ANKRD28: variants seen among roughly 807,000 people sequenced by gnomAD.
ANKRD28 encodes ankyrin repeat domain 28.
In ANKRD28, 44 loss-of-function variants were observed where a neutral mutation model predicts 126.5. The ratio of observed to expected loss-of-function variants is 0.35; its 90% CI spans 0.27 to 0.45. The LOEUF is 0.45. ANKRD28 is among the 20% of genes least tolerant of loss of function. ANKRD28 has a pLI of 1.00. For missense variants in ANKRD28, 1,110 were observed against 1,316.6 expected (o/e 0.84, Z 2.43); for synonymous variants, 442 against 468.5 (o/e 0.94, Z 0.73).
chr3:15,687,383 G>C (rs1045243012), intron 18 of ANKRD28, among the ~76,000 whole-genome samples: 3 of 151,998 alleles, frequency 2.0e-5, no homozygotes, highest in Admixed American at 6.6e-5. Context: ...TCTAAAGAAT[G>C]CATGTGTTAA....
chr3:15,707,091 C>G (rs889266158), intron 14 of ANKRD28, among the ~76,000 whole-genome samples: 1 of 151,980 alleles, frequency 6.6e-6, no homozygotes, highest in Admixed American at 6.6e-5. Context: ...TGTTAAAAAC[C>G]GAATAAATAA....
At position 15,814,434 on chromosome 3, in the gene ANKRD28, CT is replaced by C. The variant is rs1229988696; in HGVS notation, c.28-19129del. On this transcript the variant is annotated intron_variant, in intron 1 of 27. Transcript: ENST00000399451. This position sits in a 1 kb window ranked among gnomAD's most constrained non-coding sequence, Gnocchi z 4.7. ...TTATTGGATAATATTCAAAAACTTA[CT>C]TTGGATTTTATTAATTCAGAATTTA... 1.1e-5 allele frequency: 4 copies of C among 358,584 alleles called. No homozygotes were observed. Among genetic ancestry groups the C allele is most frequent in the African/African-American group, 6.6e-5 (3 of 45,236 alleles). The allele number at this position is 358,584 out of a possible 1,614,324, so 22.2% of individuals were successfully genotyped here. A position where few individuals can be genotyped will look rare whatever the true frequency, so the allele number is the denominator to read the frequency against.
chr3:15,823,642 T>C (rs926761177), intron 1 of ANKRD28, among the ~76,000 whole-genome samples: 14 of 152,058 alleles, frequency 9.2e-5, no homozygotes, highest in Non-Finnish European at 1.6e-4. Context: ...TAAACTAACA[T>C]CCCTTATGAT....
At chr3:15,702,922 TA>T (rs1176361652) in intron 14 of ANKRD28, among the ~76,000 whole-genome samples, 2 of 151,882 alleles carry the variant, frequency 1.3e-5, no homozygotes, top group African/African-American at 4.8e-5. Context: ...AATTCATATA[TA>T]CTAAACCATT....
At position 15,812,095 on chromosome 3, in the gene ANKRD28, G is replaced by A. The variant is rs1467359986; in HGVS notation, c.28-16789C>T. On this transcript the variant is annotated intron_variant, in intron 1 of 27. Transcript: ENST00000399451. The surrounding 1 kb of genome is among the most constrained non-coding windows in gnomAD (Gnocchi z 4.1). The stretch of plus-strand genomic sequence containing the variant: ...TTGAACCCAGGAGGCTGAGGTTGCA[G>A]TGAGCTGAGATTGAGGCACTGCACT... 2.0e-5 allele frequency among the ~76,000 whole-genome samples: 3 copies of A among 152,028 alleles called. No individual in the cohort carries two copies. The East Asian group carries it at 5.8e-4, about 30-fold the overall frequency.
intron 23 of ANKRD28, 96 bp downstream of exon 23, chr3:15,679,205 A>T: frequency 8.5e-7 from 1 of 1,183,408 alleles, no homozygotes; most frequent in South Asian, 1.3e-5. Context: ...CCTGGCTTCA[A>T]GTCATCCTCC....
At chr3:15,760,288 GACTTA>G (rs1268902421) in intron 3 of ANKRD28, among the ~76,000 whole-genome samples, 1 of 152,128 alleles carries the variant, frequency 6.6e-6, no homozygotes, top group Non-Finnish European at 1.5e-5. Context: ...AAACCCACAT[GACTTA>G]ACTTTACCTA....
chr3:15,750,721 G>C (rs894378139), intron 4 of ANKRD28, among the ~76,000 whole-genome samples: 1 of 152,314 alleles, frequency 6.6e-6, no homozygotes, highest in Middle Eastern at 3.4e-3. Context: ...AAAGGACAAA[G>C]AGACAGAAGC....
chr3:15,850,204 A>AATATATATATATAT lies in ANKRD28; in HGVS notation c.27+9159_27+9172dup, dbSNP rs1226795631. On this transcript the variant is annotated intron_variant, in intron 1 of 27. Coordinates refer to the ANKRD28 transcript ENST00000399451. ...TCTACATGCAATAAAAAAAAAAAAA[A>AATATATATATATAT]ATATATATATATATATATATAGAGA... Among the ~76,000 whole-genome samples, 30 of 54,822 alleles carry AATATATATATATAT rather than the reference A, an allele frequency of 5.5e-4. 1 individual carries two copies. Among genetic ancestry groups the AATATATATATATAT allele is most frequent in the Admixed American group, 7.1e-4 (3 of 4,218 alleles). 36.0% of individuals were successfully genotyped at this position (54,822 alleles called of 152,430 possible).
chr3:15,789,438 A>T lies in ANKRD28; in HGVS notation c.201+5785T>A, dbSNP rs59511946. On this transcript the variant is annotated intron_variant, in intron 2 of 27. Coordinates refer to ENST00000683139, the MANE Select transcript of ANKRD28 (RefSeq NM_001349278.2). ...CGAAGAGAGGTTTTCTCCTTTTTTT[A>T]AAAAAAAAAGAAAAGAAAAGAAAAG... Among the ~76,000 whole-genome samples, 796 of 139,364 alleles carry T rather than the reference A, an allele frequency of 5.7e-3. 3 individuals are homozygous for T. The highest frequency in any genetic ancestry group is 0.019 in the African/African-American group (651 of 33,930). 91.4% of individuals were successfully genotyped at this position (139,364 alleles called of 152,430 possible).
At chr3:15,826,527 G>C (rs1048806430) in intron 1 of ANKRD28, among the ~76,000 whole-genome samples, 1 of 152,142 alleles carries the variant, frequency 6.6e-6, no homozygotes, top group Admixed American at 6.5e-5. Context: ...TAACTTCCAA[G>C]GTGGTTACCT....
At chr3:15,789,742 C>A (rs1440046653) in intron 2 of ANKRD28, among the ~76,000 whole-genome samples, 1 of 151,964 alleles carries the variant, frequency 6.6e-6, no homozygotes. Context: ...AACTATGTTA[C>A]ATGACTTCTA....
intron 6 of ANKRD28, among the ~76,000 whole-genome samples, chr3:15,727,828 T>C (rs2074292006): frequency 6.6e-6 from 1 of 152,194 alleles, no homozygotes; most frequent in South Asian, 2.1e-4. Flanking sequence ...GAGGGGTTGC[T>C]TCTTATGGAT....
chr3:15,731,378 C>T (rs2074584443), intron 6 of ANKRD28, among the ~76,000 whole-genome samples: 1 of 152,176 alleles, frequency 6.6e-6, no homozygotes, highest in Admixed American at 6.5e-5. Flanking sequence ...ATGTAAGCCT[C>T]TTAACGTAAG....
intron 14 of ANKRD28, among the ~76,000 whole-genome samples, chr3:15,704,364 G>A (rs939194446): frequency 1.3e-5 from 2 of 152,044 alleles, no homozygotes; most frequent in African/African-American, 4.8e-5. Context: ...ATAAAAGGCA[G>A]AGCAGAATTA....
intron 1 of ANKRD28, among the ~76,000 whole-genome samples, chr3:15,847,307 G>A (rs1559595725): frequency 6.6e-6 from 1 of 152,030 alleles, no homozygotes; most frequent in East Asian, 1.9e-4. Context: ...GGTGCAACTG[G>A]GATTGCTTGT....
At chr3:15,767,786 G>A (rs558998226) in intron 2 of ANKRD28, among the ~76,000 whole-genome samples, 6 of 149,682 alleles carry the variant, frequency 4.0e-5, no homozygotes, top group African/African-American at 1.2e-4. Context: ...TACTTGGGAG[G>A]CTGAGGCAGG....
At chr3:15,818,257 C>T (rs961331807) in intron 1 of ANKRD28, among the ~76,000 whole-genome samples, 1 of 152,162 alleles carries the variant, frequency 6.6e-6, no homozygotes, top group Admixed American at 6.5e-5. Context: ...CATTCTTAAT[C>T]TGGCAATTCA....
chr3:15,750,293 A>C (rs949001706), intron 4 of ANKRD28, among the ~76,000 whole-genome samples: 3 of 152,252 alleles, frequency 2.0e-5, no homozygotes, highest in Admixed American at 1.3e-4. Context: ...TGTTTATCTT[A>C]ACTGTTTTTA....
Sources: allele counts gnomAD v4.1 joint callset (sites outside exome capture counted in the v4.1 genomes callset), GRCh38; gene constraint gnomAD v4.1.1; non-coding constraint Gnocchi (gnomAD v3.1); transcripts MANE v1.5; gene names NCBI Gene and HGNC (gene_info 2026-07-23, HGNC 2026-07-21).